Variants in MAP4K5 observed in about 807,000 individuals in gnomAD.
MAP4K5 encodes mitogen-activated protein kinase kinase kinase kinase 5.
MAP4K5 carries 82 observed loss-of-function variants against 135.6 expected under a neutral mutation model. That is an observed-to-expected ratio of 0.60 (90% confidence interval 0.51 to 0.73). The LOEUF is 0.73. Among genes scored for constraint, MAP4K5 ranks in the 30% least tolerant of loss-of-function variants. The pLI, the probability that MAP4K5 is intolerant of heterozygous loss-of-function variation, is 0.00. For missense variants in MAP4K5, 907 were observed against 1,010.9 expected, an observed-to-expected ratio of 0.90 and a Z score of 1.39; for synonymous variants, 347 against 335.0, an observed-to-expected ratio of 1.04 and a Z score of -0.39.
chr14:50,543,889 AC>A (rs2038596101), intron 1 of MAP4K5, among the ~76,000 whole-genome samples: 1 of 152,184 alleles, frequency 6.6e-6, no homozygotes, highest in Non-Finnish European at 1.5e-5. Flanking sequence ...AGGGATTGAT[AC>A]TTTCCCCAGA....
At chr14:50,543,144 C>T (rs1225170583) in intron 1 of MAP4K5, among the ~76,000 whole-genome samples, 1 of 152,248 alleles carries the variant, frequency 6.6e-6, no homozygotes, top group Non-Finnish European at 1.5e-5. Context: ...CTAGTGCTTG[C>T]TCAGTGTGCC....
In MAP4K5 at chr14:50,419,966, C is replaced by T; in HGVS notation, c.*53G>A. 1.6e-6 allele frequency: 2 copies of T among 1,252,236 alleles called. No individual in the cohort carries two copies. Among genetic ancestry groups the T allele is most frequent in the Non-Finnish European group, 2.3e-6 (2 of 870,266 alleles). The allele number at this position is 1,252,236 out of a possible 1,614,324, so 77.6% of individuals were successfully genotyped here. On this transcript the variant is annotated 3_prime_UTR_variant, in exon 33 of 33. Coordinates refer to ENST00000682126, the MANE Select transcript of MAP4K5 (RefSeq NM_006575.6). Reference sequence around the variant, plus strand: ...GTTTGTATTGAATTTCCTTATTTTTCCTTTCAATGGAGTATATTCATTTTC... The same window carrying T: ...GTTTGTATTGAATTTCCTTATTTTTTCTTTCAATGGAGTATATTCATTTTC...
At chr14:50,465,404 C>T (rs540723926) in intron 11 of MAP4K5, among the ~76,000 whole-genome samples, 2 of 152,080 alleles carry the variant, frequency 1.3e-5, no homozygotes, top group Admixed American at 1.3e-4. Context: ...GAAGACATTA[C>T]CAGAAAAATA....
chr14:50,426,555 T>C (rs1384087477), intron 30 of MAP4K5, among the ~76,000 whole-genome samples: 2 of 152,038 alleles, frequency 1.3e-5, no homozygotes, highest in African/African-American at 4.8e-5. Context: ...TGAAACCCTG[T>C]CTCTACAAAA....
intron 23 of MAP4K5, among the ~76,000 whole-genome samples, chr14:50,439,250 A>G (rs2036168947): frequency 6.6e-6 from 1 of 151,476 alleles, no homozygotes; most frequent in Non-Finnish European, 1.5e-5. Context: ...GTACTCTACT[A>G]CCAAAATGAA....
intron 19 of MAP4K5, 68 bp downstream of exon 19, chr14:50,443,871 G>T: frequency 6.8e-7 from 1 of 1,468,840 alleles, no homozygotes; most frequent in Non-Finnish European, 9.4e-7. Context: ...GAATTAAACA[G>T]ACTATGCCCC....
At chr14:50,442,303 G>A (rs1465657129) in intron 21 of MAP4K5, among the ~76,000 whole-genome samples, 1 of 151,802 alleles carries the variant, frequency 6.6e-6, no homozygotes, top group Non-Finnish European at 1.5e-5. Flanking sequence ...TTTCTGAGCT[G>A]TTTAAGATAA....
chr14:50,447,457 T>C lies in MAP4K5; in HGVS notation c.1099A>G (p.Met367Val), dbSNP rs976840031. 3 of 1,551,824 alleles carry C rather than the reference T, an allele frequency of 1.9e-6. No homozygotes were observed. Among genetic ancestry groups the C allele is most frequent in the Admixed American group, 1.9e-5 (1 of 51,712 alleles). Reference protein sequence around the residue: ...EMGLSSDPNFMLQWNPFVDGA... With the variant: ...EMGLSSDPNFVLQWNPFVDGA... The stretch of plus-strand genomic sequence containing the variant: ...TCAACAAAAGGATTCCACTGTAACA[T>C]GAAATTTGGGTCTGATGACAATCCC... The change falls in exon 16 of 33, where the codon ATG becomes GTG. Residue 367 changes from methionine to valine, a missense_variant. Met to Val is a conservative substitution (Grantham distance 21). Around this residue, in one of 3 missense-constraint regions of MAP4K5, gnomAD observed 690 missense variants for 777.4 expected, o/e 0.89. Coordinates refer to ENST00000682126, the MANE Select transcript of MAP4K5 (RefSeq NM_006575.6).
chr14:50,491,682 ACTTT>A (rs1217732984), intron 3 of MAP4K5, among the ~76,000 whole-genome samples: 3 of 148,370 alleles, frequency 2.0e-5, no homozygotes, highest in East Asian at 2.0e-4. Flanking sequence ...TACATACTGA[ACTTT>A]CTTTTTTTTT....
chr14:50,464,159 A>C, intron 11 of MAP4K5, 26 bp from the exon 12 acceptor site: 1 of 1,087,658 alleles, frequency 9.2e-7, no homozygotes, highest in Non-Finnish European at 1.4e-6. Flanking sequence ...GACGTACAAA[A>C]ATATTTCACT....
At chr14:50,550,853 G>A (rs1174417182) in intron 1 of MAP4K5, among the ~76,000 whole-genome samples, 3 of 152,166 alleles carry the variant, frequency 2.0e-5, no homozygotes, top group African/African-American at 7.2e-5. Flanking sequence ...TGAACTGAAT[G>A]ATAGTGACAC....
intron 1 of MAP4K5, among the ~76,000 whole-genome samples, chr14:50,546,368 G>A (rs186396772): frequency 6.6e-6 from 1 of 151,670 alleles, no homozygotes; most frequent in East Asian, 1.9e-4. Context: ...GGTACTGGGT[G>A]TGTGTGTGTG....
intron 5 of MAP4K5, 119 bp from the exon 6 acceptor site, chr14:50,482,535 T>G: frequency 1.6e-6 from 1 of 630,400 alleles, no homozygotes; most frequent in South Asian, 1.9e-5. Context: ...TCCCAGCACT[T>G]TGGGAGGCCA....
intron 28 of MAP4K5, among the ~76,000 whole-genome samples, chr14:50,431,812 C>T (rs1165502639): frequency 6.6e-6 from 1 of 152,034 alleles, no homozygotes; most frequent in African/African-American, 2.4e-5. Flanking sequence ...GTTCTAGATC[C>T]CTGAGGAATC....
At chr14:50,548,068 G>A (rs1337637817) in intron 1 of MAP4K5, among the ~76,000 whole-genome samples, 1 of 152,062 alleles carries the variant, frequency 6.6e-6, no homozygotes, top group African/African-American at 2.4e-5. Flanking sequence ...TAAAGAACAG[G>A]GGATGGGAAG....
At chr14:50,486,253 G>A in intron 3 of MAP4K5, 59 bp from the exon 4 acceptor site, 1 of 629,450 alleles carries the variant, frequency 1.6e-6, no homozygotes, top group Non-Finnish European at 2.8e-6. Context: ...ATGAAAAGAA[G>A]GAAGGAAAAC....
At chr14:50,466,691 T>A (rs372762315) in intron 10 of MAP4K5, 46 bp from the exon 11 acceptor site, 2 of 814,970 alleles carry the variant, frequency 2.5e-6, no homozygotes, top group African/African-American at 3.4e-5. Flanking sequence ...AATTACTACA[T>A]CTAACAATTA....
At chr14:50,560,369 A>G in intron 1 of MAP4K5, 1 of 1,579,508 alleles carries the variant, frequency 6.3e-7, no homozygotes. Flanking sequence ...GCTTCTGTGG[A>G]GACAGGGAGG....
chr14:50,549,395 G>C (rs2038674339), intron 1 of MAP4K5, among the ~76,000 whole-genome samples: 1 of 152,180 alleles, frequency 6.6e-6, no homozygotes, highest in East Asian at 1.9e-4. Context: ...ACTCACAGCT[G>C]AGACCTAGAA....
Sources: gnomAD v4.1 joint callset for allele counts (sites outside exome capture counted in the v4.1 genomes callset) on GRCh38, gnomAD v4.1.1 for gene constraint, gnomAD v4.1.1 regional missense constraint, MANE v1.5 for transcripts, NCBI Gene and HGNC (gene_info 2026-07-23, HGNC 2026-07-21) for gene names.